TRANK1: variants seen among roughly 807,000 people sequenced by gnomAD.
The protein encoded by TRANK1 is tetratricopeptide repeat and ankyrin repeat containing 1.
A neutral mutation model predicts 266.0 loss-of-function variants in TRANK1; 198 were observed. The ratio of observed to expected loss-of-function variants is 0.74; its 90% CI spans 0.66 to 0.84. The LOEUF is 0.84. Ranked by LOEUF, TRANK1 falls within the 40% of genes least tolerant of loss-of-function variation. The probability of loss-of-function intolerance (pLI) is 0.00; values close to 1 mark genes in which losing one functional copy is unlikely to be tolerated. For synonymous variants in TRANK1, 1,396 were observed against 1,384.1 expected (o/e 1.01, Z -0.19); for missense variants, 3,326 against 3,634.6 (o/e 0.92, Z 2.18).
In TRANK1 at chr3:36,846,534, A is replaced by G. The variant is rs141774781; in HGVS notation, c.5035-130T>C. On this transcript the variant is annotated intron_variant, in intron 16 of 23. Coordinates refer to ENST00000645898, the MANE Select transcript of TRANK1 (RefSeq NM_001329998.2). ...ATTTTAGAGAAGCATAGCACAGCTG[A>G]GAACAGGATACCAGGAGCTCACTGT... is the stretch of plus-strand genomic sequence containing the variant. 6.9e-3 allele frequency: 5,919 copies of G among 854,050 alleles called. 64 individuals carry two copies. Among genetic ancestry groups the G allele is most frequent in the Non-Finnish European group, 7.2e-3 (4,118 of 569,030 alleles). The allele number at this position is 854,050 out of a possible 1,614,324, so 52.9% of individuals were successfully genotyped here.
upstream of TRANK1, among the ~76,000 whole-genome samples, chr3:36,945,332 A>T (rs2080558479): frequency 6.6e-6 from 1 of 152,128 alleles, no homozygotes; most frequent in African/African-American, 2.4e-5. Context: ...AAAGAAAGTG[A>T]TCGGCCAACG....
At chr3:36,834,683 T>A (rs779556173) in intron 21 of TRANK1, 79 bp downstream of exon 21, 6 of 1,511,030 alleles carry the variant, frequency 4.0e-6, no homozygotes, top group Non-Finnish European at 5.3e-6. Flanking sequence ...AGCAGCAGGA[T>A]AGCACCACCC....
chr3:36,915,198 G>A (rs1005358721), intron 1 of TRANK1, among the ~76,000 whole-genome samples: 2 of 152,048 alleles, frequency 1.3e-5, no homozygotes, highest in South Asian at 2.1e-4. Flanking sequence ...TGATCCACCC[G>A]CCTTGGCCTC....
chr3:36,900,291 C>T (rs1278748517), intron 3 of TRANK1, among the ~76,000 whole-genome samples: 3 of 152,122 alleles, frequency 2.0e-5, no homozygotes, highest in Admixed American at 6.5e-5. Flanking sequence ...AGGTGTTTTT[C>T]CTGCCCCTTT....
At chr3:36,891,453 A>T (rs1044825260) in intron 7 of TRANK1, among the ~76,000 whole-genome samples, 1 of 152,128 alleles carries the variant, frequency 6.6e-6, no homozygotes, top group African/African-American at 2.4e-5. Context: ...GCCACCTCCC[A>T]CACCCCCATT....
At position 36,874,181 on chromosome 3, in the gene TRANK1, G is replaced by A. The variant is rs370047686; in HGVS notation, c.1023C>T (p.Ile341=). Residue 341 remains isoleucine (I), a synonymous_variant, in exon 9 of 24, where the codon ATC becomes ATT. Coordinates refer to ENST00000645898, the MANE Select transcript of TRANK1 (RefSeq NM_001329998.2). ...VLKRNKNFKA[I]EKINSHLEKL... ...TTTCTAAGTGACTGTTGATTTTCTC[G>A]ATGGCTTTGAAGTTCTTATTCCTCT... The A allele has an allele frequency of 4.7e-5, 72 of 1,537,238 alleles. No homozygotes were observed. Among genetic ancestry groups the A allele is most frequent in the Non-Finnish European group, 5.7e-5 (65 of 1,146,954 alleles).
chr3:36,914,662 GT>G (rs1180047734), intron 1 of TRANK1, among the ~76,000 whole-genome samples: 1 of 151,748 alleles, frequency 6.6e-6, no homozygotes, highest in African/African-American at 2.4e-5. Context: ...TCGAGAAGGA[GT>G]TTTCACTCTT....
intron 9 of TRANK1, among the ~76,000 whole-genome samples, chr3:36,873,443 G>A (rs774809164): frequency 6.6e-6 from 1 of 152,150 alleles, no homozygotes; most frequent in Non-Finnish European, 1.5e-5. Context: ...CACATTTAAA[G>A]AGCAAAGTTT....
Position 36,857,917 on chromosome 3 carries a change from C to G in TRANK1, c.1805G>C (p.Gly602Ala), listed in dbSNP as rs1470424003. ...CAGCTTCTTCACGCGCTTTAGCATGCCCTTCTGGAAGAGGATGTGCATCAG... is the reference window on the plus strand; with the variant it reads ...CAGCTTCTTCACGCGCTTTAGCATGGCCTTCTGGAAGAGGATGTGCATCAG... Reference protein sequence around the residue: ...NTLMHILFQKGMLKRVKKLLD... With the variant: ...NTLMHILFQKAMLKRVKKLLD... Residue 602 changes from glycine (G) to alanine (A), a missense_variant, in exon 13 of 24, where the codon GGC becomes GCC. By Grantham distance (60) the Gly-to-Ala change is moderately conservative. Transcript: ENST00000645898. The surrounding 1 kb of genome is among the most constrained non-coding windows in gnomAD (Gnocchi z 4.3). The G allele has an allele frequency of 1.2e-6, 2 of 1,607,826 alleles. No homozygotes were observed. Among genetic ancestry groups the G allele is most frequent in the African/African-American group, 1.3e-5 (1 of 75,066 alleles).
rs2079094036 is a variant in TRANK1 at position 36,858,790 on chromosome 3, G to A, written c.1600C>T (p.Pro534Ser). ...AFLLLTKGAD[P>S]RAISLTEGDT... is the part of the protein sequence containing the mutation. Reference sequence around the variant, plus strand: ...CCTTCCGTGAGAGAAATAGCACGGGGGTCTGCGCCCTTGGTCAAGAGAAGG... The same window carrying A: ...CCTTCCGTGAGAGAAATAGCACGGGAGTCTGCGCCCTTGGTCAAGAGAAGG... Residue 534 changes from proline to serine, a missense_variant, in exon 12 of 24, where the codon CCC becomes TCC. Pro to Ser is a moderately conservative substitution (Grantham distance 74). Transcript: ENST00000645898. 1 of 1,537,234 alleles carries A rather than the reference G, an allele frequency of 6.5e-7. No homozygotes were observed. The highest frequency in any genetic ancestry group is 8.7e-7 in the Non-Finnish European group (1 of 1,146,886).
chr3:36,870,962 T>TAAAAAAAAAAAAAAAA (rs563787088), intron 9 of TRANK1, among the ~76,000 whole-genome samples: 11 of 65,070 alleles, frequency 1.7e-4, no homozygotes, highest in African/African-American at 2.3e-4. Context: ...ACAAGGAAAC[T>TAAAAAAAAAAAAAAAA]AAAAAAAAAA....
chr3:36,905,056 G>A (rs987668116), intron 2 of TRANK1, among the ~76,000 whole-genome samples: 2 of 151,824 alleles, frequency 1.3e-5, no homozygotes, highest in Non-Finnish European at 1.5e-5. Flanking sequence ...TTAGGAGGCC[G>A]AGCGGGCGGA....
intron 1 of TRANK1, among the ~76,000 whole-genome samples, chr3:36,928,745 T>C (rs1400061748): frequency 6.6e-6 from 1 of 152,138 alleles, no homozygotes; most frequent in Non-Finnish European, 1.5e-5. Context: ...AAATATGAAC[T>C]AATGTCCTTA....
chr3:36,934,508 C>T (rs1282447861), intron 1 of TRANK1, among the ~76,000 whole-genome samples: 1 of 152,108 alleles, frequency 6.6e-6, no homozygotes, highest in Non-Finnish European at 1.5e-5. Context: ...AAGTGACCTG[C>T]CTGTTTCATC....
chr3:36,880,127 CAT>C lies in TRANK1; in HGVS notation c.908-5833_908-5832del, dbSNP rs1161669245. On this transcript the variant is annotated intron_variant, in intron 8 of 23. Transcript: ENST00000645898. The stretch of plus-strand genomic sequence containing the variant: ...ATAAACATATATAAATATATATAAA[CAT>C]ATAAATATATATAAACATAAATATA... The C allele has an allele frequency of 3.0e-5, 4 of 132,238 alleles. 1 individual carries two copies. In the East Asian group the frequency reaches 7.9e-4, roughly 26 times the overall value. 8.2% of individuals were successfully genotyped at this position (132,238 alleles called of 1,614,324 possible). A position where few individuals can be genotyped will look rare whatever the true frequency, so the allele number is the denominator to read the frequency against.
intron 18 of TRANK1, 76 bp from the exon 19 acceptor site, chr3:36,838,792 A>G (rs372056431): frequency 4.2e-6 from 6 of 1,421,876 alleles, no homozygotes; most frequent in East Asian, 4.9e-5. Flanking sequence ...AGCATGCATT[A>G]TAAGTTTGTA....
At chr3:36,900,792 G>GGATCAC (rs1453168619) in intron 3 of TRANK1, among the ~76,000 whole-genome samples, 1 of 139,518 alleles carries the variant, frequency 7.2e-6, no homozygotes, top group Non-Finnish European at 1.5e-5. Flanking sequence ...GGAGGGAGGA[G>GGATCAC]GATCACATGA....
At chr3:36,855,149 G>A in intron 13 of TRANK1, 24 bp downstream of exon 13, 1 of 1,582,262 alleles carries the variant, frequency 6.3e-7, no homozygotes, top group Non-Finnish European at 8.6e-7. Context: ...ACCCCCAGTA[G>A]GCAAACCCAA....
In TRANK1 at chr3:36,864,380, A is replaced by G; in HGVS notation, c.1179T>C (p.His393=). 1 of 1,537,090 alleles carries G rather than the reference A, an allele frequency of 6.5e-7. No individual in the cohort carries two copies. Among genetic ancestry groups the G allele is most frequent in the Non-Finnish European group, 8.7e-7 (1 of 1,146,822 alleles). Residue 393 remains histidine, a synonymous_variant, in exon 10 of 24, where the codon CAT becomes CAC. Coordinates refer to ENST00000645898, the MANE Select transcript of TRANK1 (RefSeq NM_001329998.2). The stretch of plus-strand genomic sequence containing the variant: ...CTACTTCCTGCTTCAGAAAGTTTTT[A>G]TGCAATAACCGGTTTCCTGAGTTCA... ...KYMNSGNRLL[H]KNFLKQEVVQ... is the part of the protein sequence containing the mutation.
Sources: allele counts gnomAD v4.1 joint callset (sites outside exome capture counted in the v4.1 genomes callset), GRCh38; gene constraint gnomAD v4.1.1; non-coding constraint Gnocchi (gnomAD v3.1); transcripts MANE v1.5; gene names NCBI Gene and HGNC (gene_info 2026-07-23, HGNC 2026-07-21).